The following SLC23A2 variants were observed in gnomAD, a reference collection of about 807,000 sequenced individuals.
SLC23A2 encodes the protein Na(+)/L-ascorbic acid transporter 2.
In SLC23A2, 36 loss-of-function variants were observed where a neutral mutation model predicts 73.3. That is an observed-to-expected ratio of 0.49 (90% CI 0.38 to 0.65). The LOEUF is 0.65. Among genes scored for constraint, SLC23A2 ranks in the 30% least tolerant of loss-of-function variants. SLC23A2 has a pLI of 0.00. For missense variants in SLC23A2, 507 were observed against 841.6 expected (o/e 0.60, Z 4.92); for synonymous variants, 343 against 327.3 (o/e 1.05, Z -0.52).
chr20:4,867,946 A>G, intron 12 of SLC23A2, 71 bp from the exon 13 acceptor site: 1 of 881,532 alleles, frequency 1.1e-6, no homozygotes, highest in Non-Finnish European at 1.9e-6. Flanking sequence ...AATAGCCTCT[A>G]CACATCTACA....
At chr20:4,969,658 C>T (rs2087532310) in intron 2 of SLC23A2, among the ~76,000 whole-genome samples, 1 of 149,746 alleles carries the variant, frequency 6.7e-6, no homozygotes, top group Non-Finnish European at 1.5e-5. Context: ...AATCAGAGCT[C>T]ACTAAATCCT....
chr20:4,890,740 C>T (rs373822374), intron 6 of SLC23A2, among the ~76,000 whole-genome samples: 1 of 152,186 alleles, frequency 6.6e-6, no homozygotes, highest in South Asian at 2.1e-4. Context: ...ATCCATCCAT[C>T]CATCCATCGA....
chr20:4,981,887 G>A (rs1025008721), intron 1 of SLC23A2, among the ~76,000 whole-genome samples: 2 of 151,988 alleles, frequency 1.3e-5, no homozygotes, highest in African/African-American at 2.4e-5. Context: ...ATTTTTAGTG[G>A]AGACAGGGCT....
chr20:4,867,179 C>T (rs1364290083), intron 13 of SLC23A2, among the ~76,000 whole-genome samples: 7 of 152,114 alleles, frequency 4.6e-5, no homozygotes, highest in East Asian at 3.8e-4. Context: ...CCCAGTTACC[C>T]GGCAGACCCC....
At chr20:4,967,287 G>A (rs1196203132) in intron 2 of SLC23A2, among the ~76,000 whole-genome samples, 14 of 149,572 alleles carry the variant, frequency 9.4e-5, no homozygotes, top group Non-Finnish European at 6.0e-5. Context: ...TTATTGATGA[G>A]TTTTTTTTTT....
intron 6 of SLC23A2, among the ~76,000 whole-genome samples, chr20:4,893,930 G>A (rs183393856): frequency 2.0e-5 from 3 of 152,282 alleles, no homozygotes; most frequent in East Asian, 1.9e-4. Flanking sequence ...GTGTGGTGAC[G>A]GCGGGGCAGG....
At chr20:4,916,229 A>G (rs1190993708) in intron 3 of SLC23A2, among the ~76,000 whole-genome samples, 2 of 152,316 alleles carry the variant, frequency 1.3e-5, no homozygotes, top group African/African-American at 4.8e-5. Context: ...GCTCCAAGTC[A>G]TATCGCAGCA....
At chr20:4,957,582 C>CAAAAAAAAAAAAAAA (rs750802378) in intron 2 of SLC23A2, among the ~76,000 whole-genome samples, 1 of 100,246 alleles carries the variant, frequency 1.0e-5, no homozygotes, top group Non-Finnish European at 2.2e-5. Flanking sequence ...ACTATAACCT[C>CAAAAAAAAAAAAAAA]AAAAAAAAAA....
intron 1 of SLC23A2, among the ~76,000 whole-genome samples, chr20:4,996,581 G>A (rs2088023721): frequency 6.6e-6 from 1 of 151,428 alleles, no homozygotes; most frequent in Non-Finnish European, 1.5e-5. Flanking sequence ...AGCTACTTGG[G>A]AGGCTGAGGC....
chr20:5,001,638 T>C (rs1256583725), upstream of SLC23A2: 2 of 122,048 alleles, frequency 1.6e-5, no homozygotes, highest in Non-Finnish European at 3.3e-5. Flanking sequence ...GGCTGCTCCC[T>C]GGCACCCGGC....
chr20:4,882,238 G>C (rs1930916642), intron 9 of SLC23A2, among the ~76,000 whole-genome samples: 1 of 152,100 alleles, frequency 6.6e-6, no homozygotes, highest in African/African-American at 2.4e-5. Context: ...AGCCGGGTGT[G>C]GTGGTGGGTG....
chr20:4,895,172 G>A (rs6116571), intron 6 of SLC23A2, among the ~76,000 whole-genome samples: 8,952 of 152,266 alleles, frequency 0.059, 884 homozygotes, highest in African/African-American at 0.2. Flanking sequence ...AGCTGGACAC[G>A]AAAAACTTTT....
At chr20:4,865,074 C>T (rs1930136635) in intron 13 of SLC23A2, among the ~76,000 whole-genome samples, 1 of 152,200 alleles carries the variant, frequency 6.6e-6, no homozygotes, top group African/African-American at 2.4e-5. Context: ...CCAGCCTTCC[C>T]GGTGCTTCCC....
chr20:4,891,416 A>C (rs963038833), intron 6 of SLC23A2, among the ~76,000 whole-genome samples: 1 of 152,148 alleles, frequency 6.6e-6, no homozygotes, highest in Admixed American at 6.5e-5. Context: ...AACAAAAGCG[A>C]GTAGACCCGC....
chr20:5,004,797 C>T (rs1282047758), upstream of SLC23A2, among the ~76,000 whole-genome samples: 2 of 152,042 alleles, frequency 1.3e-5, no homozygotes, highest in East Asian at 1.9e-4. Context: ...GTCGGGAGTT[C>T]GAGACCAGCC....
At chr20:4,965,553 C>T (rs1383153800) in intron 2 of SLC23A2, among the ~76,000 whole-genome samples, 2 of 152,156 alleles carry the variant, frequency 1.3e-5, no homozygotes, top group African/African-American at 4.8e-5. Context: ...AGGCGTATCA[C>T]TTGAGCCCAG....
chr20:4,981,379 G>A (rs1445837782), intron 1 of SLC23A2, among the ~76,000 whole-genome samples: 1 of 152,136 alleles, frequency 6.6e-6, no homozygotes, highest in Admixed American at 6.6e-5. Context: ...CTATGAAAAG[G>A]CTTTAAAAGC....
chr20:4,973,874 G>A (rs575121089), intron 1 of SLC23A2, among the ~76,000 whole-genome samples: 1 of 152,110 alleles, frequency 6.6e-6, no homozygotes, highest in Non-Finnish European at 1.5e-5. Context: ...TTCTTAATTA[G>A]GATGTGCAAA....
Position 4,859,244 on chromosome 20 carries a change from T to TAA in SLC23A2, c.1720+43_1720+44dup, listed in dbSNP as rs66936551. On this transcript the variant is annotated intron_variant, in intron 16 of 16. Coordinates refer to ENST00000338244, the MANE Select transcript of SLC23A2 (RefSeq NM_005116.6). ...TTGGCAAAAAAAGTAACACATATGT[T>TAA]AAAAAATAAAAAAAAAAAAAGTGTG... The TAA allele has an allele frequency of 3.0e-4, 331 of 1,115,432 alleles. 1 individual carries two copies. The highest frequency in any genetic ancestry group is 4.8e-4 in the African/African-American group (26 of 53,826). The allele number at this position is 1,115,432 out of a possible 1,614,324, so 69.1% of individuals were successfully genotyped here. A position where few individuals can be genotyped will look rare whatever the true frequency, so the allele number is the denominator to read the frequency against.
Sources: allele counts gnomAD v4.1 joint callset (sites outside exome capture counted in the v4.1 genomes callset), GRCh38; gene constraint gnomAD v4.1.1; transcripts MANE v1.5; gene names NCBI Gene and HGNC (gene_info 2026-07-23, HGNC 2026-07-21).